The following SNTB1 variants were observed in gnomAD, a reference collection of about 807,000 sequenced individuals.
The protein encoded by SNTB1 is syntrophin beta 1, also known as beta-1-syntrophin.
A neutral mutation model predicts 48.9 loss-of-function variants in SNTB1; 36 were observed. That is an observed-to-expected ratio of 0.74 (90% CI 0.56 to 0.97). The LOEUF is 0.97. SNTB1 is among the 50% of genes least tolerant of loss of function. The pLI is 0.00. For missense variants in SNTB1, 786 were observed against 703.4 expected, an observed-to-expected ratio of 1.12 and a Z score of -1.33; for synonymous variants, 299 against 294.6, an observed-to-expected ratio of 1.01 and a Z score of -0.15.
chr8:120,741,856 G>A (rs991301084), intron 1 of SNTB1, among the ~76,000 whole-genome samples: 1 of 152,168 alleles, frequency 6.6e-6, no homozygotes, highest in African/African-American at 2.4e-5. Flanking sequence ...GAGAAATAGA[G>A]AAGGAAGAGG....
At chr8:120,567,222 A>G (rs1370937719) in intron 4 of SNTB1, among the ~76,000 whole-genome samples, 5 of 152,176 alleles carry the variant, frequency 3.3e-5, no homozygotes. Flanking sequence ...TTAAAAGCAC[A>G]TTCTCCTGAT....
At chr8:120,653,021 A>G (rs1817433551) in intron 2 of SNTB1, among the ~76,000 whole-genome samples, 1 of 152,230 alleles carries the variant, frequency 6.6e-6, no homozygotes, top group South Asian at 2.1e-4. Flanking sequence ...CAAGTGTTCT[A>G]GAACACTGAT....
At chr8:120,666,340 TG>T (rs1308862355) in intron 2 of SNTB1, among the ~76,000 whole-genome samples, 2 of 152,246 alleles carry the variant, frequency 1.3e-5, no homozygotes, top group Non-Finnish European at 2.9e-5. Context: ...AGGATATTTT[TG>T]CTGGGTATAG....
At position 120,693,867 on chromosome 8, in the gene SNTB1, A is replaced by T. The variant is rs757416581; in HGVS notation, c.613T>A (p.Ser205Thr). Residue 205 changes from serine (S) to threonine (T), a missense_variant, in exon 2 of 7, where the codon TCC becomes ACC. Coordinates refer to ENST00000517992, the MANE Select transcript of SNTB1 (RefSeq NM_021021.4). ...REATPYVKKG[S>T]PVSEIGWETP... Reference sequence around the variant, plus strand: ...TCCCACCCAATCTCGGATACTGGGGATCCTTTCTTCACATAGGGCGTGGCT... The same window carrying T: ...TCCCACCCAATCTCGGATACTGGGGTTCCTTTCTTCACATAGGGCGTGGCT... 10 of 1,614,136 alleles carry T rather than the reference A, an allele frequency of 6.2e-6. No homozygotes were observed. In the Admixed American group the frequency reaches 8.3e-5, roughly 13 times the overall value.
At chr8:120,701,073 C>G (rs144958540) in intron 1 of SNTB1, among the ~76,000 whole-genome samples, 91 of 152,190 alleles carry the variant, frequency 6.0e-4, no homozygotes, top group African/African-American at 2.2e-3. Context: ...AAGCTGGGGA[C>G]AGGTTGGTGA....
At chr8:120,789,869 C>T (rs1404201960) in intron 1 of SNTB1, among the ~76,000 whole-genome samples, 1 of 151,878 alleles carries the variant, frequency 6.6e-6, no homozygotes, top group Non-Finnish European at 1.5e-5. Context: ...GGAGAGAATC[C>T]TTCCTAACTC....
intron 1 of SNTB1, among the ~76,000 whole-genome samples, chr8:120,774,856 G>A (rs994734557): frequency 2.0e-5 from 3 of 152,042 alleles, no homozygotes; most frequent in East Asian, 1.9e-4. Flanking sequence ...GTTTCACCAT[G>A]TTGGCCAGGC....
At chr8:120,596,355 T>C (rs1209959738) in intron 3 of SNTB1, among the ~76,000 whole-genome samples, 17 of 152,254 alleles carry the variant, frequency 1.1e-4, no homozygotes, top group Non-Finnish European at 1.9e-4. Flanking sequence ...TGTTATTTGA[T>C]ACCAAAAACT....
chr8:120,807,853 T>C (rs1247973382), intron 1 of SNTB1, among the ~76,000 whole-genome samples: 1 of 152,234 alleles, frequency 6.6e-6, no homozygotes, highest in African/African-American at 2.4e-5. Flanking sequence ...AAGTATAAGC[T>C]TTCATATCAG....
intron 2 of SNTB1, among the ~76,000 whole-genome samples, chr8:120,657,507 A>G (rs911063956): frequency 3.3e-5 from 5 of 152,186 alleles, no homozygotes; most frequent in Non-Finnish European, 5.9e-5. Flanking sequence ...GTGGGCATGG[A>G]AATGGGAATT....
intron 2 of SNTB1, among the ~76,000 whole-genome samples, chr8:120,639,217 T>A (rs1817141322): frequency 6.6e-6 from 1 of 152,240 alleles, no homozygotes; most frequent in South Asian, 2.1e-4. Context: ...TTTATATCCT[T>A]TGCTCACTTT....
chr8:120,726,762 T>A (rs1461761018), intron 1 of SNTB1, among the ~76,000 whole-genome samples: 10 of 152,192 alleles, frequency 6.6e-5, no homozygotes, highest in Non-Finnish European at 1.3e-4. Context: ...TAATCGACAC[T>A]GAACTTCCAG....
chr8:120,758,831 T>C (rs890088320), intron 1 of SNTB1, among the ~76,000 whole-genome samples: 1 of 152,192 alleles, frequency 6.6e-6, no homozygotes, highest in African/African-American at 2.4e-5. Flanking sequence ...GAAGTTGTGA[T>C]TAATTAATAA....
At chr8:120,683,648 T>C (rs987646676) in intron 2 of SNTB1, among the ~76,000 whole-genome samples, 1 of 152,104 alleles carries the variant, frequency 6.6e-6, no homozygotes, top group Admixed American at 6.5e-5. Flanking sequence ...ACCCATGAGT[T>C]GGGAAAATGG....
chr8:120,811,137 C>T (rs577875465), intron 1 of SNTB1, 136 bp downstream of exon 1: 4 of 1,227,702 alleles, frequency 3.3e-6, no homozygotes, highest in Non-Finnish European at 2.2e-6. Flanking sequence ...CCCTTCCCCC[C>T]CCCCCAACAC....
chr8:120,776,472 A>G (rs898024144), intron 1 of SNTB1: 1 of 152,224 alleles, frequency 6.6e-6, no homozygotes, highest in Non-Finnish European at 1.5e-5. Flanking sequence ...ACAGACTCCA[A>G]GAGGTTCTAA....
intron 3 of SNTB1, among the ~76,000 whole-genome samples, chr8:120,609,211 T>TC (rs1247401580): frequency 6.6e-6 from 1 of 152,164 alleles, no homozygotes; most frequent in Non-Finnish European, 1.5e-5. Context: ...TAAATCTAGT[T>TC]CCAGGCAAGA....
At chr8:120,706,251 A>G (rs4242319) in intron 1 of SNTB1, among the ~76,000 whole-genome samples, 73,234 of 152,026 alleles carry the variant, frequency 0.48, 23,101 homozygotes, top group African/African-American at 0.87. Flanking sequence ...GTGCTTGAAA[A>G]TATCATTTCT....
At chr8:120,713,731 A>G (rs922447325) in intron 1 of SNTB1, among the ~76,000 whole-genome samples, 1 of 152,232 alleles carries the variant, frequency 6.6e-6, no homozygotes, top group African/African-American at 2.4e-5. Context: ...CTCCATCTCA[A>G]AAAGAAAAAA....
Sources: gnomAD v4.1 joint callset for allele counts (sites outside exome capture counted in the v4.1 genomes callset) on GRCh38, gnomAD v4.1.1 for gene constraint, MANE v1.5 for transcripts, NCBI Gene and HGNC (gene_info 2026-07-23, HGNC 2026-07-21) for gene names.